DAPP1: variants seen among roughly 807,000 people sequenced by gnomAD.
DAPP1 encodes the protein dual adapter for phosphotyrosine and 3-phosphotyrosine and 3-phosphoinositide.
In DAPP1, 20 loss-of-function variants were observed where a neutral mutation model predicts 41.5. That is an observed-to-expected ratio of 0.48 (90% CI 0.34 to 0.70). The LOEUF (loss-of-function observed/expected upper bound fraction) is 0.70. Among genes scored for constraint, DAPP1 ranks in the 30% least tolerant of loss-of-function variants. The probability of loss-of-function intolerance (pLI) is 0.01; values close to 1 mark genes in which losing one functional copy is unlikely to be tolerated. For missense variants in DAPP1, 233 were observed against 333.4 expected, an observed-to-expected ratio of 0.70 and a Z score of 2.35; for synonymous variants, 113 against 116.2, an observed-to-expected ratio of 0.97 and a Z score of 0.18.
chr4:99,839,643 G>A (rs1578360629), intron 2 of DAPP1, among the ~76,000 whole-genome samples: 1 of 152,068 alleles, frequency 6.6e-6, no homozygotes, highest in African/African-American at 2.4e-5. Context: ...GGTGTCATAT[G>A]TCATTTCTAT....
intron 1 of DAPP1, among the ~76,000 whole-genome samples, chr4:99,821,324 A>T (rs951432612): frequency 6.6e-6 from 1 of 152,244 alleles, no homozygotes; most frequent in Non-Finnish European, 1.5e-5. Context: ...CAATAAGCTA[A>T]GTATACGATC....
chr4:99,821,849 G>A (rs1346456203), intron 1 of DAPP1, among the ~76,000 whole-genome samples: 1 of 152,164 alleles, frequency 6.6e-6, no homozygotes. Context: ...TAATATACAT[G>A]CACATGTACA....
intron 2 of DAPP1, among the ~76,000 whole-genome samples, chr4:99,837,452 A>G (rs1487583610): frequency 6.6e-6 from 1 of 152,210 alleles, no homozygotes. Flanking sequence ...AAAAACAAGC[A>G]TATTCATTAA....
At chr4:99,845,520 ATAATG>A (rs1723639124) in intron 3 of DAPP1, among the ~76,000 whole-genome samples, 1 of 152,198 alleles carries the variant, frequency 6.6e-6, no homozygotes, top group Non-Finnish European at 1.5e-5. Context: ...TTCTGCTACA[ATAATG>A]TAGTAGAATG....
intron 4 of DAPP1, among the ~76,000 whole-genome samples, chr4:99,855,861 T>C (rs1724027475): frequency 6.6e-6 from 1 of 152,186 alleles, no homozygotes; most frequent in Non-Finnish European, 1.5e-5. Context: ...CATTTTCTTT[T>C]TGGGGTGTAG....
intron 1 of DAPP1, among the ~76,000 whole-genome samples, chr4:99,824,856 C>A (rs576773851): frequency 1.3e-5 from 2 of 152,202 alleles, no homozygotes; most frequent in African/African-American, 4.8e-5. Flanking sequence ...TACTGGAGAG[C>A]AGTGGTGCTT....
At chr4:99,871,705 A>G (rs564621608), downstream of DAPP1, among the ~76,000 whole-genome samples, 2 of 152,240 alleles carry the variant, frequency 1.3e-5, no homozygotes, top group African/African-American at 2.4e-5. Context: ...TTCTTGAGAA[A>G]GAATTCACCT....
At chr4:99,861,969 T>C (rs1343712736) in intron 5 of DAPP1, among the ~76,000 whole-genome samples, 2 of 152,204 alleles carry the variant, frequency 1.3e-5, no homozygotes, top group African/African-American at 4.8e-5. Context: ...CAAAATTGTA[T>C]AAAATGTTTC....
intron 4 of DAPP1, among the ~76,000 whole-genome samples, chr4:99,854,450 A>G (rs1382989351): frequency 6.6e-6 from 1 of 152,244 alleles, no homozygotes; most frequent in Non-Finnish European, 1.5e-5. Flanking sequence ...TTATATTAAA[A>G]TAAGTGTAAC....
At chr4:99,836,773 C>T (rs181621153) in intron 2 of DAPP1, among the ~76,000 whole-genome samples, 1 of 152,324 alleles carries the variant, frequency 6.6e-6, no homozygotes, top group East Asian at 1.9e-4. Flanking sequence ...TTATCAAAAA[C>T]TTAGGGACTT....
chr4:99,819,303 G>C (rs1440777504), intron 1 of DAPP1, among the ~76,000 whole-genome samples: 1 of 152,186 alleles, frequency 6.6e-6, no homozygotes, highest in Non-Finnish European at 1.5e-5. Context: ...CAGCTGGGAA[G>C]AGTTGGGGTG....
At chr4:99,826,335 T>C (rs1286565752) in intron 1 of DAPP1, among the ~76,000 whole-genome samples, 1 of 152,214 alleles carries the variant, frequency 6.6e-6, no homozygotes, top group Non-Finnish European at 1.5e-5. Context: ...GAAAATTTTC[T>C]AAAGAAGAAT....
chr4:99,830,247 G>A (rs56174126), intron 1 of DAPP1, among the ~76,000 whole-genome samples: 49,297 of 151,974 alleles, frequency 0.32, 8,512 homozygotes, highest in African/African-American at 0.44. Context: ...TGCAGGCATG[G>A]TGGCACATGC....
Position 99,856,206 on chromosome 4 carries a change from G to A in DAPP1, c.489+2858G>A, listed in dbSNP as rs147504442. Among the ~76,000 whole-genome samples the A allele has an allele frequency of 5.9e-5, 9 of 152,146 alleles. No homozygotes were observed. The East Asian group carries it at 1.7e-3, about 29-fold the overall frequency. ...CCCCTCACTGAGCTCACATTCTAGTGAAGATCACAGACAATAATCAATGCA... is the reference window on the plus strand; with the variant it reads ...CCCCTCACTGAGCTCACATTCTAGTAAAGATCACAGACAATAATCAATGCA... On this transcript the variant is annotated intron_variant, in intron 4 of 8. Transcript: ENST00000512369.
At chr4:99,831,641 A>G (rs1179327626) in intron 1 of DAPP1, among the ~76,000 whole-genome samples, 2 of 152,210 alleles carry the variant, frequency 1.3e-5, no homozygotes, top group African/African-American at 4.8e-5. Flanking sequence ...AAACTAGAAG[A>G]GGAATCGCTG....
chr4:99,864,116 A>G (rs1405927303), intron 7 of DAPP1: 1 of 254,150 alleles, frequency 3.9e-6, no homozygotes, highest in Non-Finnish European at 7.4e-6. Context: ...ATCTTAGACA[A>G]TTTAATTTCT....
At position 99,868,273 on chromosome 4, in the gene DAPP1, C is replaced by A; in HGVS notation, c.*88C>A. ...ATCTGCAGCAGGCTTCAAATGAAAA[C>A]CGACTAAGGATTTTCTTTCAAAAAC... is the stretch of plus-strand genomic sequence containing the variant. On this transcript the variant is annotated 3_prime_UTR_variant, in exon 9 of 9. Transcript: ENST00000512369. The A allele has an allele frequency of 8.4e-7, 1 of 1,194,036 alleles. No homozygotes were observed. Among genetic ancestry groups the A allele is most frequent in the Non-Finnish European group, 1.2e-6 (1 of 811,200 alleles). 74.0% of individuals were successfully genotyped at this position (1,194,036 alleles called of 1,614,324 possible).
chr4:99,853,491 C>G (rs1723940867), intron 4 of DAPP1, 143 bp downstream of exon 4: 4 of 1,181,186 alleles, frequency 3.4e-6, no homozygotes, highest in African/African-American at 1.5e-5. Flanking sequence ...GATTTGAAGC[C>G]TATGACTCAG....
At chr4:99,829,323 T>C (rs1723043243) in intron 1 of DAPP1, among the ~76,000 whole-genome samples, 1 of 151,882 alleles carries the variant, frequency 6.6e-6, no homozygotes, top group Non-Finnish European at 1.5e-5. Flanking sequence ...CTATTAAAAA[T>C]ACAAAAATTT....
Sources: allele counts gnomAD v4.1 joint callset (sites outside exome capture counted in the v4.1 genomes callset), GRCh38; gene constraint gnomAD v4.1.1; transcripts MANE v1.5; gene names NCBI Gene and HGNC (gene_info 2026-07-23, HGNC 2026-07-21).